STK31: variants seen among roughly 807,000 people sequenced by gnomAD.
STK31 encodes serine/threonine kinase 31.
A neutral mutation model predicts 129.7 loss-of-function variants in STK31; 89 were observed. The observed-to-expected ratio is 0.69, with a 90% CI of 0.58 to 0.82. STK31 has a LOEUF of 0.82. STK31 is among the 40% of genes least tolerant of loss of function. The pLI, the probability that STK31 is intolerant of heterozygous loss-of-function variation, is 0.00. For missense variants in STK31, 1,187 were observed against 1,176.4 expected (o/e 1.01, Z -0.13); for synonymous variants, 448 against 395.3 (o/e 1.13, Z -1.58).
chr7:23,738,491 A>C (rs1017150955), intron 8 of STK31, among the ~76,000 whole-genome samples: 1 of 152,126 alleles, frequency 6.6e-6, no homozygotes, highest in Admixed American at 6.6e-5. Context: ...GGACTCAAGC[A>C]ATCCACTCAC....
chr7:23,746,471 A>C (rs1390885794), intron 8 of STK31, among the ~76,000 whole-genome samples: 2 of 152,182 alleles, frequency 1.3e-5, no homozygotes, highest in African/African-American at 4.8e-5. Flanking sequence ...GATCTATTTG[A>C]AGTGTGATTA....
chr7:23,810,668 A>G (rs1793039226), intron 22 of STK31, among the ~76,000 whole-genome samples: 2 of 133,082 alleles, frequency 1.5e-5, no homozygotes, highest in African/African-American at 5.7e-5. Context: ...AAAAATATAT[A>G]ATATATATAA....
chr7:23,785,957 A>G (rs1043704731), intron 18 of STK31, among the ~76,000 whole-genome samples: 40 of 152,314 alleles, frequency 2.6e-4, no homozygotes, highest in Admixed American at 5.9e-4. Flanking sequence ...ACAAACCTGC[A>G]CGTTGTGCAC....
At chr7:23,803,347 A>G (rs980031407) in intron 22 of STK31, among the ~76,000 whole-genome samples, 7 of 152,214 alleles carry the variant, frequency 4.6e-5, no homozygotes, top group African/African-American at 2.4e-5. Context: ...GATTACTGTC[A>G]CTTTGTCTTT....
chr7:23,717,430 C>T (rs1448801168), intron 3 of STK31, 51 bp from the exon 4 acceptor site: 18 of 1,303,906 alleles, frequency 1.4e-5, no homozygotes, highest in Non-Finnish European at 1.9e-5. Context: ...AAGCGTGTAA[C>T]ACTGTAAAAT....
chr7:23,812,621 T>C (rs1192312425), intron 22 of STK31, among the ~76,000 whole-genome samples: 1 of 152,054 alleles, frequency 6.6e-6, no homozygotes, highest in Non-Finnish European at 1.5e-5. Flanking sequence ...TTTTGAACAG[T>C]GTACATTGTA....
At chr7:23,794,693 C>T (rs1791846495) in intron 22 of STK31, among the ~76,000 whole-genome samples, 1 of 152,076 alleles carries the variant, frequency 6.6e-6, no homozygotes, top group Admixed American at 6.6e-5. Context: ...TTGAGGTGGT[C>T]TCACCTGGAG....
chr7:23,726,600 G>C (rs1487889648), intron 4 of STK31, among the ~76,000 whole-genome samples: 1 of 148,362 alleles, frequency 6.7e-6, no homozygotes, highest in Admixed American at 6.8e-5. Flanking sequence ...CCTGGCGACA[G>C]AATGAGACCC....
Position 23,764,265 on chromosome 7 carries a change from T to C in STK31, c.1416+1342T>C, listed in dbSNP as rs144057013. Among the ~76,000 whole-genome samples the C allele has an allele frequency of 7.9e-5, 12 of 152,334 alleles. No homozygotes were observed. In the East Asian group the frequency reaches 2.3e-3, roughly 29 times the overall value. On this transcript the variant is annotated intron_variant, in intron 11 of 23. Coordinates refer to ENST00000355870, the MANE Select transcript of STK31 (RefSeq NM_031414.5). Reference sequence around the variant, plus strand: ...AAGGTTTATTTCTTCTCACTGTTAGTAAATGTAGGTTAAGGTTCTGTAATT... The same window carrying C: ...AAGGTTTATTTCTTCTCACTGTTAGCAAATGTAGGTTAAGGTTCTGTAATT...
chr7:23,800,503 G>C (rs1411336290), intron 22 of STK31, among the ~76,000 whole-genome samples: 1 of 151,888 alleles, frequency 6.6e-6, no homozygotes, highest in Non-Finnish European at 1.5e-5. Context: ...AATACCTCAT[G>C]TTCTCACTCA....
Position 23,710,234 on chromosome 7 carries a change from GCGGTAAGC to G in STK31, c.-49_-42del. On this transcript the variant is annotated 5_prime_UTR_variant, in exon 1 of 24. Coordinates refer to ENST00000355870, the MANE Select transcript of STK31 (RefSeq NM_031414.5). Reference sequence around the variant, plus strand: ...TGGGGCCCTTGCGGTCGAAGCTCACGCGGTAAGCCGCTGCACGTGTGCTACGGCGGGCG... The same window carrying G: ...TGGGGCCCTTGCGGTCGAAGCTCACGCGCTGCACGTGTGCTACGGCGGGCG... 6.3e-7 allele frequency: 1 copy of G among 1,590,330 alleles called. No individual in the cohort carries two copies. Among genetic ancestry groups the G allele is most frequent in the South Asian group, 1.2e-5 (1 of 86,620 alleles).
At position 23,735,989 on chromosome 7, in the gene STK31, A is replaced by ACTGT; in HGVS notation, c.842+94_842+97dup. 7 of 1,057,346 alleles carry ACTGT rather than the reference A, an allele frequency of 6.6e-6. No homozygotes were observed. The East Asian group carries it at 1.7e-4, about 26-fold the overall frequency. The allele number at this position is 1,057,346 out of a possible 1,614,324, so 65.5% of individuals were successfully genotyped here. A position where few individuals can be genotyped will look rare whatever the true frequency, so the allele number is the denominator to read the frequency against. On this transcript the variant is annotated intron_variant, in intron 7 of 23. Transcript: ENST00000355870. ...AAGGCTTATGCTTTTGGAATCCTTT[A>ACTGT]CTGTGTCAGTGATTTTAAGGGCTGA...
intron 22 of STK31, among the ~76,000 whole-genome samples, chr7:23,800,152 GGCC>G (rs1207924908): frequency 6.6e-6 from 1 of 152,052 alleles, no homozygotes; most frequent in Non-Finnish European, 1.5e-5. Context: ...AAATTAGTTC[GGCC>G]ATTATGGAAA....
intron 23 of STK31, among the ~76,000 whole-genome samples, chr7:23,827,179 T>A (rs1201496567): frequency 1.3e-5 from 2 of 152,262 alleles, no homozygotes; most frequent in Non-Finnish European, 2.9e-5. Context: ...CTGGATAATA[T>A]GCTGAAGAGT....
At chr7:23,728,607 G>A (rs990207114) in intron 5 of STK31, among the ~76,000 whole-genome samples, 3 of 152,168 alleles carry the variant, frequency 2.0e-5, no homozygotes, top group Non-Finnish European at 2.9e-5. Flanking sequence ...TTAAACAGAT[G>A]TAGAGCTGGA....
At position 23,800,960 on chromosome 7, in the gene STK31, C is replaced by G. The variant is rs571879694; in HGVS notation, c.2760+10014C>G. On this transcript the variant is annotated intron_variant, in intron 22 of 23. Coordinates refer to ENST00000355870, the MANE Select transcript of STK31 (RefSeq NM_031414.5). ...ACCAAATTTGTTTGTTCACCTGTTG[C>G]AGAACATTTGCATTGTTTCCAGTGT... Among the ~76,000 whole-genome samples the G allele has an allele frequency of 5.9e-5, 9 of 152,192 alleles. No individual in the cohort carries two copies. The East Asian group carries it at 1.5e-3, about 26-fold the overall frequency.
chr7:23,734,222 G>T (rs77410768), intron 6 of STK31, among the ~76,000 whole-genome samples: 9,629 of 152,254 alleles, frequency 0.063, 456 homozygotes, highest in Non-Finnish European at 0.095. Flanking sequence ...TGGGAATGTA[G>T]CTAAAAATAC....
rs140189040 is a variant in STK31, at chr7:23,752,350, A to ATTTT, written c.1018-353_1018-350dup. On this transcript the variant is annotated intron_variant, in intron 8 of 23. Transcript: ENST00000355870. ...CTATTATATTTTATTCAAATTTGGA[A>ATTTT]TTTTTTTTTTTTTTTTTGAGACAGA... is the stretch of plus-strand genomic sequence containing the variant. Among the ~76,000 whole-genome samples, 244 of 140,822 alleles carry ATTTT rather than the reference A, an allele frequency of 1.7e-3. 1 individual carries two copies. The highest frequency in any genetic ancestry group is 6.1e-3 in the African/African-American group (232 of 37,994). 92.4% of individuals were successfully genotyped at this position (140,822 alleles called of 152,430 possible).
In STK31 at chr7:23,832,284, A is replaced by G; in HGVS notation, c.2978A>G (p.Lys993Arg). The G allele has an allele frequency of 6.2e-7, 1 of 1,614,046 alleles. No individual in the cohort carries two copies. Among genetic ancestry groups the G allele is most frequent in the Non-Finnish European group, 8.5e-7 (1 of 1,179,984 alleles). Residue 993 changes from lysine (K) to arginine (R), a missense_variant, in exon 24 of 24, where the codon AAA becomes AGA. Transcript: ENST00000355870. ...PEKDTEYTLY[K>R]KEEEIKTENL... The stretch of plus-strand genomic sequence containing the variant: ...AAAGATACTGAATACACCCTATATA[A>G]AAAGGAAGAAGAAATAAAGACGGAG...
Sources: gnomAD v4.1 joint callset for allele counts (sites outside exome capture counted in the v4.1 genomes callset) on GRCh38, gnomAD v4.1.1 for gene constraint, MANE v1.5 for transcripts, NCBI Gene and HGNC (gene_info 2026-07-23, HGNC 2026-07-21) for gene names.